The following PCDH11X variants were observed in gnomAD, a reference collection of about 807,000 sequenced individuals.
PCDH11X encodes the protein protocadherin-11 X-linked.
In PCDH11X, 18 loss-of-function variants were observed where a neutral mutation model predicts 53.3. The ratio of observed to expected loss-of-function variants is 0.34; its 90% CI spans 0.23 to 0.50. The LOEUF (loss-of-function observed/expected upper bound fraction) is 0.50, where lower values mean the gene tolerates loss of function less well. Ranked by LOEUF, PCDH11X falls within the 20% of genes least tolerant of loss-of-function variation. The probability of loss-of-function intolerance (pLI) is 0.98; values close to 1 mark genes in which losing one functional copy is unlikely to be tolerated. For synonymous variants in PCDH11X, 279 were observed against 393.3 expected, an observed-to-expected ratio of 0.71 and a Z score of 3.44; for missense variants, 570 against 1,032.4, an observed-to-expected ratio of 0.55 and a Z score of 6.14.
rs146233770 is a variant in PCDH11X, at chrX:92,210,230, C to CTTT, written c.3114+8799_3114+8801dup. On this transcript the variant is annotated intron_variant, in intron 7 of 10. Transcript: ENST00000682573. ...CTTGAATTCCTCCACAGAAAATGGGCTTTTTTTTTTTTTTTTTTTTTTTTT... is the reference window on the plus strand; with the variant it reads ...CTTGAATTCCTCCACAGAAAATGGGCTTTTTTTTTTTTTTTTTTTTTTTTTTTT... Among the ~76,000 whole-genome samples the CTTT allele has an allele frequency of 1.3e-3, 55 of 41,074 alleles. 12 individuals are homozygous for CTTT. Among genetic ancestry groups the CTTT allele is most frequent in the East Asian group, 3.8e-3 (4 of 1,052 alleles). 35.7% of individuals were successfully genotyped at this position (41,074 alleles called of 115,157 possible).
At chrX:91,830,691 T>C (rs1937075521) in intron 4 of PCDH11X, among the ~76,000 whole-genome samples, 5 of 111,307 alleles carry the variant, frequency 4.5e-5, no homozygotes. Context: ...CCACCTAATA[T>C]ATTATGGCTG....
intron 5 of PCDH11X, among the ~76,000 whole-genome samples, chrX:91,846,310 C>T (rs1159802903): frequency 9.0e-6 from 1 of 110,988 alleles, no homozygotes; most frequent in African/African-American, 3.3e-5. Flanking sequence ...AAACTATGTT[C>T]TTATGTAACC....
intron 6 of PCDH11X, among the ~76,000 whole-genome samples, chrX:92,029,246 A>T (rs1299692663): frequency 5.4e-5 from 6 of 111,252 alleles, no homozygotes; most frequent in Non-Finnish European, 1.1e-4. Context: ...TTCGAAGATT[A>T]TATCTAAAGT....
At chrX:92,156,113 C>T (rs2065530142) in intron 6 of PCDH11X, among the ~76,000 whole-genome samples, 1 of 108,277 alleles carries the variant, frequency 9.2e-6, no homozygotes, top group Non-Finnish European at 1.9e-5. Flanking sequence ...TTGAGGGCCT[C>T]CCCTGTGACA....
chrX:92,527,764 C>T, intron 10 of PCDH11X, among the ~76,000 whole-genome samples: 1 of 111,972 alleles, frequency 8.9e-6, no homozygotes, highest in East Asian at 2.8e-4. Flanking sequence ...TTGAGTATTT[C>T]TTGGGAAGAA....
chrX:92,221,454 G>C (rs1017580219), intron 7 of PCDH11X, among the ~76,000 whole-genome samples: 3 of 110,261 alleles, frequency 2.7e-5, no homozygotes, highest in African/African-American at 9.9e-5. Flanking sequence ...CTAGATAAAG[G>C]CCAGAGACAT....
At chrX:92,589,931 C>T (rs1427343526) in intron 10 of PCDH11X, among the ~76,000 whole-genome samples, 1 of 111,534 alleles carries the variant, frequency 9.0e-6, no homozygotes, top group Admixed American at 9.5e-5. Flanking sequence ...GATTTTCAGC[C>T]ATTAATCTGA....
intron 1 of PCDH11X, among the ~76,000 whole-genome samples, chrX:91,807,446 G>A (rs1161370231): frequency 9.0e-6 from 1 of 111,024 alleles, no homozygotes; most frequent in Non-Finnish European, 1.9e-5. Context: ...ATCAACTAAT[G>A]AGGATGGTTT....
chrX:92,275,300 T>G (rs1276383604), intron 8 of PCDH11X, among the ~76,000 whole-genome samples: 1 of 102,413 alleles, frequency 9.8e-6, no homozygotes, highest in Non-Finnish European at 2.0e-5. Flanking sequence ...TGTAAGGGAT[T>G]GAGGTTTGGG....
intron 6 of PCDH11X, among the ~76,000 whole-genome samples, chrX:91,926,341 T>C (rs1162377013): frequency 9.0e-6 from 1 of 110,612 alleles, no homozygotes; most frequent in Non-Finnish European, 1.9e-5. Context: ...ACCCACATCA[T>C]GGAGGGCAAT....
chrX:92,312,743 T>C (rs1350796850), intron 8 of PCDH11X, among the ~76,000 whole-genome samples: 1 of 112,025 alleles, frequency 8.9e-6, no homozygotes, highest in Non-Finnish European at 1.9e-5. Context: ...GAATGCTGTT[T>C]GAAAAGTGTC....
chrX:91,922,736 T>C (rs1941792765), intron 6 of PCDH11X, among the ~76,000 whole-genome samples: 1 of 112,185 alleles, frequency 8.9e-6, no homozygotes, highest in East Asian at 2.8e-4. Context: ...CCTCTGTCCA[T>C]GGAAAAATAG....
chrX:92,013,914 TA>T (rs1449882078), intron 6 of PCDH11X, among the ~76,000 whole-genome samples: 1 of 111,638 alleles, frequency 9.0e-6, no homozygotes, highest in Non-Finnish European at 1.9e-5. Flanking sequence ...ATGTTAGACC[TA>T]AAACCATAAA....
chrX:92,306,518 A>G (rs1420355412), intron 8 of PCDH11X, among the ~76,000 whole-genome samples: 3 of 110,150 alleles, frequency 2.7e-5, no homozygotes, highest in African/African-American at 9.9e-5. Context: ...AGAAAAGACT[A>G]ATATTTAATT....
At chrX:92,559,633 CTG>C (rs1326117849) in intron 10 of PCDH11X, among the ~76,000 whole-genome samples, 2 of 111,375 alleles carry the variant, frequency 1.8e-5, no homozygotes, top group Non-Finnish European at 3.8e-5. Context: ...GAAAGAGAAA[CTG>C]TGCACTTTAG....
intron 3 of PCDH11X, 61 bp from the exon 4 acceptor site, chrX:91,811,176 C>T: frequency 9.6e-7 from 1 of 1,041,053 alleles, no homozygotes; most frequent in South Asian, 2.2e-5. Context: ...AAACTGATTA[C>T]AATGTACTGG....
chrX:91,815,074 C>A (rs2147567924), intron 4 of PCDH11X, among the ~76,000 whole-genome samples: 1 of 110,730 alleles, frequency 9.0e-6, no homozygotes, highest in East Asian at 2.8e-4. Flanking sequence ...CTGTTTTACA[C>A]AAAGATACAG....
rs1219863969 is a variant in PCDH11X at position 92,619,876 on chromosome X, C to T, written c.*936C>T. On this transcript the variant is annotated 3_prime_UTR_variant, in exon 11 of 11. Transcript: ENST00000682573. ...AAGCACGAGTCACTTAAAATATCGA[C>T]GGTAAACTACTATTTTGTAGAGAAA... 9.3e-5 allele frequency: 10 copies of T among 107,100 alleles called. No individual in the cohort carries two copies. The highest frequency in any genetic ancestry group is 8.8e-4 in the East Asian group (3 of 3,396). The allele number at this position is 107,100 out of a possible 1,213,427, so 8.8% of individuals were successfully genotyped here.
rs34051310 is a variant in PCDH11X, at chrX:91,962,980, CA to C, written c.3033+83717del. ...AAAGCAGCAAGGCCTTGGGTCCAGC[CA>C]AAAAAAAAACATTTTTCCCCCTAAG... is the stretch of plus-strand genomic sequence containing the variant. On this transcript the variant is annotated intron_variant, in intron 6 of 10. Transcript: ENST00000682573. Among the ~76,000 whole-genome samples, 7 of 102,153 alleles carry C rather than the reference CA, an allele frequency of 6.9e-5. No homozygotes were observed. The East Asian group carries it at 1.2e-3, about 18-fold the overall frequency. The allele number at this position is 102,153 out of a possible 115,157, so 88.7% of individuals were successfully genotyped here. A position where few individuals can be genotyped will look rare whatever the true frequency, so the allele number is the denominator to read the frequency against.
Sources: gnomAD v4.1 joint callset for allele counts (sites outside exome capture counted in the v4.1 genomes callset) on GRCh38, gnomAD v4.1.1 for gene constraint, MANE v1.5 for transcripts, NCBI Gene and HGNC (gene_info 2026-07-23, HGNC 2026-07-21) for gene names.